Variants in GULP1 observed in about 807,000 individuals in gnomAD.
GULP1 encodes PTB domain-containing engulfment adapter protein 1.
In GULP1, 19 loss-of-function variants were observed where a neutral mutation model predicts 40.9. The observed-to-expected ratio is 0.46, with a 90% CI of 0.32 to 0.68. The LOEUF (loss-of-function observed/expected upper bound fraction) is 0.68. Ranked by LOEUF, GULP1 falls within the 30% of genes least tolerant of loss-of-function variation. GULP1 has a pLI of 0.03. For synonymous variants in GULP1, 119 were observed against 117.6 expected, an observed-to-expected ratio of 1.01 and a Z score of -0.08; for missense variants, 312 against 362.2, an observed-to-expected ratio of 0.86 and a Z score of 1.12.
At chr2:188,359,917 G>T (rs992339529) in intron 1 of GULP1, among the ~76,000 whole-genome samples, 1 of 152,148 alleles carries the variant, frequency 6.6e-6, no homozygotes, top group Non-Finnish European at 1.5e-5. Context: ...AGAGAGGAAA[G>T]AATCAGTGAG....
intron 2 of GULP1, among the ~76,000 whole-genome samples, chr2:188,443,388 C>T (rs2152877767): frequency 6.6e-6 from 1 of 152,240 alleles, no homozygotes; most frequent in Admixed American, 6.5e-5. Flanking sequence ...AAAGTCTGAT[C>T]TAAAGCCACA....
Position 188,513,167 on chromosome 2 carries a change from A to C in GULP1, c.91-9589A>C, listed in dbSNP as rs183661129. Among the ~76,000 whole-genome samples the C allele has an allele frequency of 6.1e-3, 931 of 152,256 alleles. 3 individuals are homozygous for C. Among genetic ancestry groups the C allele is most frequent in the Non-Finnish European group, 9.7e-3 (658 of 67,966 alleles). On this transcript the variant is annotated intron_variant, in intron 4 of 11. Coordinates refer to ENST00000409830, the MANE Select transcript of GULP1 (RefSeq NM_016315.4). ...TCTGTATTTATCAGAGTCTTTATAG[A>C]AGATTTAAAAAAGACATTTACTAGT... is the stretch of plus-strand genomic sequence containing the variant.
chr2:188,368,933 A>ATATGTG (rs1274644956), intron 1 of GULP1, among the ~76,000 whole-genome samples: 1,408 of 43,266 alleles, frequency 0.033, 21 homozygotes, highest in African/African-American at 0.04. Context: ...GTATATATAT[A>ATATGTG]TGTGTGTATA....
Position 188,522,742 on chromosome 2 carries a change from A to G in GULP1, c.91-14A>G, listed in dbSNP as rs1467913534. 3 of 1,573,510 alleles carry G rather than the reference A, an allele frequency of 1.9e-6. No individual in the cohort carries two copies. The highest frequency in any genetic ancestry group is 2.6e-6 in the Non-Finnish European group (3 of 1,143,414). ...TATGGTAAAAGCCTGTGTCTCACAA[A>G]TGACCATTTTCAGTTTCTTGGCAGT... On this transcript the variant is annotated splice_polypyrimidine_tract_variant and intron_variant, in intron 4 of 11. Coordinates refer to ENST00000409830, the MANE Select transcript of GULP1 (RefSeq NM_016315.4).
At chr2:188,592,635 T>TA in intron 11 of GULP1, 2 of 152,188 alleles carry the variant, frequency 1.3e-5, no homozygotes. Context: ...CTCTGTGCTG[T>TA]AAACATAAAG....
chr2:188,591,602 A>G (rs1369254368), intron 11 of GULP1: 1 of 151,866 alleles, frequency 6.6e-6, no homozygotes, highest in East Asian at 1.9e-4. Context: ...GTCATAATAA[A>G]TTAGTTTTGT....
intron 7 of GULP1, among the ~76,000 whole-genome samples, chr2:188,555,140 A>G (rs1005700134): frequency 3.9e-5 from 6 of 152,130 alleles, no homozygotes; most frequent in Admixed American, 6.5e-5. Context: ...ATTTACAGTC[A>G]GTGTTATTAT....
chr2:188,363,982 C>G (rs1372886915), intron 1 of GULP1, among the ~76,000 whole-genome samples: 1 of 152,098 alleles, frequency 6.6e-6, no homozygotes, highest in Non-Finnish European at 1.5e-5. Context: ...AACATTGCAG[C>G]TTTTTAAAAG....
At chr2:188,369,563 G>A (rs1021144832) in intron 1 of GULP1, among the ~76,000 whole-genome samples, 3 of 151,984 alleles carry the variant, frequency 2.0e-5, no homozygotes, top group African/African-American at 4.8e-5. Flanking sequence ...GCCCCCTAGT[G>A]ACAGAGTTGA....
intron 10 of GULP1, among the ~76,000 whole-genome samples, chr2:188,585,767 G>T (rs374383229): frequency 6.6e-6 from 1 of 152,132 alleles, no homozygotes; most frequent in African/African-American, 2.4e-5. Context: ...AGGGGCTGCC[G>T]CAGATGTCTG....
chr2:188,516,870 C>G (rs921916278), intron 4 of GULP1, among the ~76,000 whole-genome samples: 7 of 152,078 alleles, frequency 4.6e-5, no homozygotes, highest in Admixed American at 2.0e-4. Flanking sequence ...TTTCCTTGGC[C>G]TGCATTTCCC....
intron 1 of GULP1, among the ~76,000 whole-genome samples, chr2:188,382,115 T>A (rs2049075468): frequency 6.6e-6 from 1 of 152,188 alleles, no homozygotes; most frequent in African/African-American, 2.4e-5. Context: ...ACCTCTCTTT[T>A]AGTGCTGTAG....
At chr2:188,299,314 T>A (rs2035685884) in intron 1 of GULP1, among the ~76,000 whole-genome samples, 1 of 152,018 alleles carries the variant, frequency 6.6e-6, no homozygotes, top group Non-Finnish European at 1.5e-5. Flanking sequence ...GACAAGGAGA[T>A]GTAAAGAACG....
At chr2:188,320,139 G>A (rs73036433) in intron 1 of GULP1, among the ~76,000 whole-genome samples, 3,184 of 152,150 alleles carry the variant, frequency 0.021, 110 homozygotes, top group African/African-American at 0.072. Flanking sequence ...CCAAATGTCC[G>A]CTGGGAGGAA....
At chr2:188,360,998 A>C (rs1027330092) in intron 1 of GULP1, among the ~76,000 whole-genome samples, 2 of 152,080 alleles carry the variant, frequency 1.3e-5, no homozygotes, top group Non-Finnish European at 2.9e-5. Context: ...ATTTTCCCCA[A>C]TAAATTAGCA....
At chr2:188,425,464 G>A (rs2056064079) in intron 2 of GULP1, among the ~76,000 whole-genome samples, 1 of 152,068 alleles carries the variant, frequency 6.6e-6, no homozygotes, top group Non-Finnish European at 1.5e-5. Context: ...AGGAACTTTG[G>A]TTTTGGGGGT....
At chr2:188,323,533 T>A (rs979490865) in intron 1 of GULP1, among the ~76,000 whole-genome samples, 1 of 152,044 alleles carries the variant, frequency 6.6e-6, no homozygotes, top group African/African-American at 2.4e-5. Flanking sequence ...TCCTGAAGAA[T>A]CCTCAATTTT....
chr2:188,540,848 A>G (rs918840784), intron 6 of GULP1, among the ~76,000 whole-genome samples: 5 of 152,090 alleles, frequency 3.3e-5, no homozygotes, highest in Admixed American at 2.6e-4. Context: ...TCTGGGTCTC[A>G]TTGTTCTCCT....
chr2:188,399,714 A>AAAAAC (rs1553540229), intron 2 of GULP1, among the ~76,000 whole-genome samples: 1,714 of 130,712 alleles, frequency 0.013, 99 homozygotes, highest in African/African-American at 0.038. Flanking sequence ...AAAAAAAAAA[A>AAAAAC]CATCAAACTG....
Sources: allele counts gnomAD v4.1 joint callset (sites outside exome capture counted in the v4.1 genomes callset), GRCh38; gene constraint gnomAD v4.1.1; transcripts MANE v1.5; gene names NCBI Gene and HGNC (gene_info 2026-07-23, HGNC 2026-07-21).